Variants in MAP3K9 observed in about 807,000 individuals in gnomAD.
MAP3K9 encodes the protein mixed lineage kinase 1 (tyr and ser/thr specificity).
Under a neutral mutation model 95.8 loss-of-function variants are expected in MAP3K9, and 46 were observed. That is an observed-to-expected ratio of 0.48 (90% CI 0.38 to 0.61). The LOEUF (loss-of-function observed/expected upper bound fraction) is 0.61, where lower values mean the gene tolerates loss of function less well. Among genes scored for constraint, MAP3K9 ranks in the 20% least tolerant of loss-of-function variants. The pLI is 0.00. For missense variants in MAP3K9, 1,296 were observed against 1,474.3 expected, an observed-to-expected ratio of 0.88 and a Z score of 1.98; for synonymous variants, 533 against 593.8, an observed-to-expected ratio of 0.90 and a Z score of 1.49.
rs2054401349 is a variant in MAP3K9 at position 70,763,415 on chromosome 14, C to T, written c.821-2233G>A. Among the ~76,000 whole-genome samples the T allele has an allele frequency of 2.0e-5, 3 of 152,200 alleles. No individual in the cohort carries two copies. In the South Asian group the frequency reaches 6.2e-4, roughly 32 times the overall value. On this transcript the variant is annotated intron_variant, in intron 2 of 11. Transcript: ENST00000554752. The stretch of plus-strand genomic sequence containing the variant: ...GTATTCTCATGTGTCTGTGGTGATG[C>T]TGCTGTAAACAAACCTACTGTGCAG...
At position 70,724,807 on chromosome 14, in the gene MAP3K9, G is replaced by A. The variant is rs1043288933; in HGVS notation, c.*5573C>T. ...CCAGGGCTCCGCTTGTGACTACTCT[G>A]ACCTCTGGGTTCAGAATGCCCAGAC... On this transcript the variant is annotated 3_prime_UTR_variant, in exon 12 of 12. Coordinates refer to ENST00000554752, the MANE Select transcript of MAP3K9 (RefSeq NM_001284230.2). 2 of 152,070 alleles carry A rather than the reference G, an allele frequency of 1.3e-5. No individual in the cohort carries two copies. The highest frequency in any genetic ancestry group is 2.9e-5 in the Non-Finnish European group (2 of 67,992). The allele number at this position is 152,070 out of a possible 1,614,324, so 9.4% of individuals were successfully genotyped here. A position where few individuals can be genotyped will look rare whatever the true frequency, so the allele number is the denominator to read the frequency against.
In MAP3K9 at chr14:70,732,909, C is replaced by A. The variant is rs2053929631; in HGVS notation, c.2460G>T (p.Glu820Asp). The change falls in exon 11 of 12, where the codon GAG (glutamate) becomes GAT (aspartate). Residue 820 changes from glutamate (E) to aspartate (D), a missense_variant. By Grantham distance (45) the Glu-to-Asp change is conservative. This residue lies in a region of MAP3K9 where 433 missense variants were observed against 441.4 expected (regional missense o/e 0.98). Coordinates refer to ENST00000554752, the MANE Select transcript of MAP3K9 (RefSeq NM_001284230.2). ...PPSRKLFKKE[E>D]PMLLLGDPSA... ...AGGGGTCTCCTAGCAACAGCATGGG[C>A]TCCTCCTTCTTGAAAAGCTTTCGGG... The A allele has an allele frequency of 2.5e-6, 4 of 1,613,794 alleles. No homozygotes were observed. Among genetic ancestry groups the A allele is most frequent in the African/African-American group, 2.7e-5 (2 of 74,912 alleles).
At chr14:70,777,905 G>C (rs537064842) in intron 2 of MAP3K9, among the ~76,000 whole-genome samples, 34 of 152,132 alleles carry the variant, frequency 2.2e-4, no homozygotes, top group Non-Finnish European at 4.4e-4. Context: ...CAGCCAACAC[G>C]CATGCCTGAG....
chr14:70,780,541 C>G (rs763218946), intron 2 of MAP3K9, among the ~76,000 whole-genome samples: 2 of 152,194 alleles, frequency 1.3e-5, no homozygotes, highest in Non-Finnish European at 2.9e-5. Context: ...CTCTCTCTAA[C>G]ATCCTAAAAT....
At chr14:70,755,038 C>T (rs2054279855) in intron 3 of MAP3K9, among the ~76,000 whole-genome samples, 1 of 152,188 alleles carries the variant, frequency 6.6e-6, no homozygotes, top group East Asian at 1.9e-4. Flanking sequence ...TTTAGAAGCA[C>T]ACTCAAAGAG....
At chr14:70,764,259 G>A (rs1276609542) in intron 2 of MAP3K9, among the ~76,000 whole-genome samples, 4 of 147,304 alleles carry the variant, frequency 2.7e-5, no homozygotes, top group African/African-American at 1.0e-4. Context: ...TATTCCAGAA[G>A]AAGGCATTGT....
At chr14:70,781,873 AAG>A (rs2054681202) in intron 2 of MAP3K9, among the ~76,000 whole-genome samples, 1 of 152,212 alleles carries the variant, frequency 6.6e-6, no homozygotes, top group African/African-American at 2.4e-5. Flanking sequence ...TTTCACATGG[AAG>A]ACTCAACTTC....
chr14:70,798,541 G>C (rs1489554359), intron 2 of MAP3K9, among the ~76,000 whole-genome samples: 3 of 140,410 alleles, frequency 2.1e-5, no homozygotes, highest in Non-Finnish European at 4.6e-5. Flanking sequence ...TGCAGTGGCG[G>C]GATCTCGGCT....
At chr14:70,770,531 G>A (rs949279023) in intron 2 of MAP3K9, among the ~76,000 whole-genome samples, 3 of 152,012 alleles carry the variant, frequency 2.0e-5, no homozygotes, top group African/African-American at 7.2e-5. Context: ...TAGCATCGAG[G>A]GTTGGGCAAA....
At chr14:70,747,567 G>A (rs760867400) in intron 5 of MAP3K9, among the ~76,000 whole-genome samples, 1 of 152,130 alleles carries the variant, frequency 6.6e-6, no homozygotes, top group Non-Finnish European at 1.5e-5. Context: ...GGAATCAGAA[G>A]ACCCACATTC....
At chr14:70,731,585 C>A (rs2053904536) in intron 11 of MAP3K9, among the ~76,000 whole-genome samples, 1 of 152,170 alleles carries the variant, frequency 6.6e-6, no homozygotes, top group Non-Finnish European at 1.5e-5. Flanking sequence ...ACTATCTGGC[C>A]CTTCACCAAA....
chr14:70,801,535 A>T (rs760203270), intron 1 of MAP3K9, among the ~76,000 whole-genome samples: 15 of 152,234 alleles, frequency 9.9e-5, no homozygotes, highest in Admixed American at 2.0e-4. Flanking sequence ...TACAGGCATG[A>T]GCCACTGCAC....
At chr14:70,807,765 T>C (rs2055005844) in intron 1 of MAP3K9, among the ~76,000 whole-genome samples, 1 of 152,186 alleles carries the variant, frequency 6.6e-6, no homozygotes, top group Non-Finnish European at 1.5e-5. Flanking sequence ...GATATTTACA[T>C]GTTTTTTTCT....
intron 2 of MAP3K9, among the ~76,000 whole-genome samples, chr14:70,764,058 C>T (rs144985319): frequency 0.04 from 5,957 of 147,538 alleles, 141 homozygotes; most frequent in East Asian, 0.093. Flanking sequence ...CGGTGGCGGG[C>T]GCTTGTAGAC....
rs1230648389 is a variant in MAP3K9 at position 70,740,104 on chromosome 14, A to G, written c.1628T>C (p.Ile543Thr). The change falls in exon 7 of 12, where the codon ATC (isoleucine) becomes ACC (threonine). Residue 543 changes from isoleucine (I) to threonine (T), a missense_variant. This residue lies in a region of MAP3K9 where 377 missense variants were observed against 417.1 expected (regional missense o/e 0.90). Transcript: ENST00000554752. ...TGCAGGAGGACTGGAGCGGCTGTTG[A>G]TAAGACTCTTCCTTTTATCCATGGT... ...SPTMDKRKSL[I>T]NSRSSPPASP... 1 of 1,614,184 alleles carries G rather than the reference A, an allele frequency of 6.2e-7. No homozygotes were observed. The highest frequency in any genetic ancestry group is 8.5e-7 in the Non-Finnish European group (1 of 1,180,022).
At chr14:70,787,503 G>T (rs1251659941) in intron 2 of MAP3K9, among the ~76,000 whole-genome samples, 1 of 109,564 alleles carries the variant, frequency 9.1e-6, no homozygotes, top group Non-Finnish European at 1.9e-5. Flanking sequence ...ACAAGACTCT[G>T]TCTCAAAAAA....
In MAP3K9 at chr14:70,723,784, G is replaced by A. The variant is rs1006790271; in HGVS notation, c.*6596C>T. Reference sequence around the variant, plus strand: ...TCACTAGGACAGCACCGCCCCCCACGTGGAAAAAAATTAATGATTTCTTAT... The same window carrying A: ...TCACTAGGACAGCACCGCCCCCCACATGGAAAAAAATTAATGATTTCTTAT... On this transcript the variant is annotated 3_prime_UTR_variant, in exon 12 of 12. Transcript: ENST00000554752. The A allele has an allele frequency of 6.6e-6, 1 of 152,066 alleles. No homozygotes were observed. Among genetic ancestry groups the A allele is most frequent in the African/African-American group, 2.4e-5 (1 of 41,400 alleles). 9.4% of individuals were successfully genotyped at this position (152,066 alleles called of 1,614,324 possible).
intron 2 of MAP3K9, among the ~76,000 whole-genome samples, chr14:70,786,429 C>A (rs963386045): frequency 1.3e-5 from 2 of 152,084 alleles, no homozygotes; most frequent in African/African-American, 2.4e-5. Flanking sequence ...TTTTATTATT[C>A]TTTTCTTCCT....
chr14:70,732,865 A>G lies in MAP3K9; in HGVS notation c.2504T>C (p.Leu835Pro). 6.2e-7 allele frequency: 1 copy of G among 1,613,800 alleles called. No homozygotes were observed. Among genetic ancestry groups the G allele is most frequent in the Non-Finnish European group, 8.5e-7 (1 of 1,179,838 alleles). ...GCACTCGGAGATGGAGGAGAGGGAG[A>G]GCAGCGTCAGGGAGGCAGAGGGGTC... ...LGDPSASLTLLSLSSISECNS... is the reference protein window; with the variant it reads ...LGDPSASLTLPSLSSISECNS... The change falls in exon 11 of 12, where the codon CTC becomes CCC. Residue 835 changes from leucine to proline, a missense_variant. Physicochemically the swap from Leu to Pro is moderately conservative, Grantham distance 98 (BLOSUM62 -3). Transcript: ENST00000554752.
Sources: allele counts gnomAD v4.1 joint callset (sites outside exome capture counted in the v4.1 genomes callset), GRCh38; gene constraint gnomAD v4.1.1; regional missense constraint gnomAD v4.1.1; transcripts MANE v1.5; gene names NCBI Gene and HGNC (gene_info 2026-07-23, HGNC 2026-07-21).